The following AFF2 variants were observed in gnomAD, a reference collection of about 807,000 sequenced individuals.
AFF2 encodes the protein AF4/FMR2 family member 2.
A neutral mutation model predicts 76.9 loss-of-function variants in AFF2; 14 were observed. The observed-to-expected ratio is 0.18, with a 90% CI of 0.12 to 0.28. The LOEUF (loss-of-function observed/expected upper bound fraction) is 0.28. Ranked by LOEUF, AFF2 falls within the 10% of genes least tolerant of loss-of-function variation. AFF2 has a pLI of 1.00. For missense variants in AFF2, 868 were observed against 1,001.1 expected (o/e 0.87, Z 1.79); for synonymous variants, 398 against 366.7 (o/e 1.09, Z -0.98).
intron 4 of AFF2, among the ~76,000 whole-genome samples, chrX:148,833,259 G>A (rs1308090837): frequency 9.0e-6 from 1 of 111,577 alleles, no homozygotes; most frequent in Admixed American, 9.6e-5. Context: ...TGATTCGCAT[G>A]TCAGGCAGTG....
rs185965977 is a variant in AFF2, at chrX:148,922,008, G to T, written c.1397+17750G>T. 3.8e-4 allele frequency among the ~76,000 whole-genome samples: 42 copies of T among 111,402 alleles called. 1 individual carries two copies. In the East Asian group the frequency reaches 0.012, roughly 31 times the overall value. The stretch of plus-strand genomic sequence containing the variant: ...CAATTACACAGTCATTATAAGTTTT[G>T]CCAAGGTTGAGTATGGATCGTTTTG... On this transcript the variant is annotated intron_variant, in intron 9 of 20. Transcript: ENST00000370460.
At chrX:148,860,504 T>C (rs111928853) in intron 7 of AFF2, among the ~76,000 whole-genome samples, 8 of 111,704 alleles carry the variant, frequency 7.2e-5, no homozygotes, top group African/African-American at 2.3e-4. Context: ...TCATTTTGAA[T>C]AGAGCAAAAT....
At chrX:148,843,120 A>T in intron 6 of AFF2, 118 bp downstream of exon 6, 1 of 588,693 alleles carries the variant, frequency 1.7e-6, no homozygotes, top group Non-Finnish European at 2.6e-6. Context: ...ACAAAAAGTT[A>T]TTTTAATTGT....
intron 1 of AFF2, among the ~76,000 whole-genome samples, chrX:148,585,757 T>C (rs1430505793): frequency 9.6e-6 from 1 of 104,133 alleles, no homozygotes; most frequent in African/African-American, 3.5e-5. Flanking sequence ...AGGAGAATGG[T>C]GTGAACCCGG....
chrX:148,911,550 T>A (rs1557281956), intron 9 of AFF2, among the ~76,000 whole-genome samples: 1 of 112,013 alleles, frequency 8.9e-6, no homozygotes, highest in East Asian at 2.8e-4. Flanking sequence ...GGAGCATCAC[T>A]GTGCACATTC....
chrX:148,560,842 G>T (rs782641836), intron 1 of AFF2, among the ~76,000 whole-genome samples: 2 of 110,565 alleles, frequency 1.8e-5, no homozygotes, highest in Admixed American at 1.9e-4. Flanking sequence ...TTTCTGGGGG[G>T]GGCACCTCCT....
intron 7 of AFF2, among the ~76,000 whole-genome samples, chrX:148,876,159 C>T (rs1557277849): frequency 9.0e-6 from 1 of 111,731 alleles, no homozygotes; most frequent in Non-Finnish European, 1.9e-5. Flanking sequence ...TATCTTGAGC[C>T]AATAATCACA....
intron 3 of AFF2, among the ~76,000 whole-genome samples, chrX:148,734,391 A>G (rs782810869): frequency 3.6e-5 from 4 of 111,953 alleles, no homozygotes; most frequent in African/African-American, 6.5e-5. Flanking sequence ...TATGAACAAT[A>G]CTATGAAGCT....
chrX:148,770,106 G>T (rs2069568343), intron 3 of AFF2, among the ~76,000 whole-genome samples: 1 of 111,541 alleles, frequency 9.0e-6, no homozygotes, highest in Non-Finnish European at 1.9e-5. Flanking sequence ...GGGAAAAACT[G>T]CAAAGGACAA....
chrX:148,791,249 A>G (rs1465363414), intron 3 of AFF2, among the ~76,000 whole-genome samples: 3 of 112,148 alleles, frequency 2.7e-5, no homozygotes, highest in Middle Eastern at 4.2e-3. Flanking sequence ...ACAGCACCAC[A>G]TGGCTGGAGA....
intron 3 of AFF2, among the ~76,000 whole-genome samples, chrX:148,694,976 C>T (rs987276037): frequency 7.3e-5 from 8 of 109,118 alleles, no homozygotes; most frequent in African/African-American, 2.0e-4. Flanking sequence ...CCACCATGCT[C>T]GGCTAATTTT....
chrX:148,592,094 T>C (rs1557246744), intron 1 of AFF2, among the ~76,000 whole-genome samples: 2 of 112,061 alleles, frequency 1.8e-5, no homozygotes, highest in Non-Finnish European at 3.8e-5. Flanking sequence ...ATTCCCTGTC[T>C]AACACCATCA....
At chrX:148,592,494 A>T (rs1293396180) in intron 1 of AFF2, among the ~76,000 whole-genome samples, 3 of 110,889 alleles carry the variant, frequency 2.7e-5, no homozygotes, top group Non-Finnish European at 5.7e-5. Flanking sequence ...CTATAAAAAA[A>T]AAAAAAAAAG....
At chrX:148,594,410 G>T (rs16994642) in intron 1 of AFF2, among the ~76,000 whole-genome samples, 2,240 of 112,198 alleles carry the variant, frequency 0.02, 39 homozygotes, top group African/African-American at 0.057. Context: ...AAGAGACGTG[G>T]TTGTCATATG....
At chrX:148,983,626 TA>T (rs2072421360) in intron 19 of AFF2, among the ~76,000 whole-genome samples, 1 of 111,758 alleles carries the variant, frequency 8.9e-6, no homozygotes, top group South Asian at 3.8e-4. Context: ...TTTTGGCACT[TA>T]CTCCAGATTG....
At chrX:148,977,263 T>A (rs2072336707) in intron 16 of AFF2, among the ~76,000 whole-genome samples, 1 of 111,242 alleles carries the variant, frequency 9.0e-6, no homozygotes, top group African/African-American at 3.3e-5. Flanking sequence ...TACTCAACCT[T>A]TTATCACCCC....
At chrX:148,631,805 C>T (rs1421386748) in intron 1 of AFF2, among the ~76,000 whole-genome samples, 2 of 111,875 alleles carry the variant, frequency 1.8e-5, no homozygotes, top group African/African-American at 6.5e-5. Flanking sequence ...CTTTTAATAA[C>T]GGCCTAACAT....
intron 15 of AFF2, among the ~76,000 whole-genome samples, chrX:148,969,661 C>T (rs1454094426): frequency 9.7e-6 from 1 of 103,583 alleles, no homozygotes; most frequent in African/African-American, 4.0e-5. Flanking sequence ...TGGAACCATT[C>T]ATTTTTTTCT....
chrX:148,536,038 G>A (rs1361278511), intron 1 of AFF2, among the ~76,000 whole-genome samples: 2 of 110,476 alleles, frequency 1.8e-5, no homozygotes, highest in Non-Finnish European at 3.8e-5. Context: ...GGCCAACATG[G>A]TGAAACCCCG....
Sources: gnomAD v4.1 joint callset for allele counts (sites outside exome capture counted in the v4.1 genomes callset) on GRCh38, gnomAD v4.1.1 for gene constraint, MANE v1.5 for transcripts, NCBI Gene and HGNC (gene_info 2026-07-23, HGNC 2026-07-21) for gene names.